The following CNTN5 variants were observed in gnomAD, a reference collection of about 807,000 sequenced individuals.
The protein encoded by CNTN5 is contactin-5.
Under a neutral mutation model 129.1 loss-of-function variants are expected in CNTN5, and 77 were observed. The observed-to-expected ratio is 0.60, with a 90% CI of 0.50 to 0.72. The LOEUF (loss-of-function observed/expected upper bound fraction) is 0.72, where lower values mean the gene tolerates loss of function less well. Ranked by LOEUF, CNTN5 falls within the 30% of genes least tolerant of loss-of-function variation. CNTN5 has a pLI of 0.00. For synonymous variants in CNTN5, 509 were observed against 465.6 expected (o/e 1.09, Z -1.20); for missense variants, 1,478 against 1,328.8 (o/e 1.11, Z -1.75).
Position 100,255,935 on chromosome 11 carries a change from CA to C in CNTN5, c.2164+19del. ...TAAAGACAGGTAAGAGGCACTAAAG[CA>C]ACATCAGATATAACCAGAGTGGCCT... is the stretch of plus-strand genomic sequence containing the variant. On this transcript the variant is annotated intron_variant, in intron 17 of 24. Coordinates refer to ENST00000524871, the MANE Select transcript of CNTN5 (RefSeq NM_014361.4). 6.2e-7 allele frequency: 1 copy of C among 1,612,570 alleles called. No homozygotes were observed. The highest frequency in any genetic ancestry group is 8.5e-7 in the Non-Finnish European group (1 of 1,178,726).
intron 1 of CNTN5, among the ~76,000 whole-genome samples, chr11:99,202,947 G>A (rs1859284847): frequency 6.6e-6 from 1 of 151,380 alleles, no homozygotes; most frequent in Non-Finnish European, 1.5e-5. Context: ...CAATAAGTGA[G>A]AGAGAAAGAA....
intron 8 of CNTN5, among the ~76,000 whole-genome samples, chr11:99,998,299 C>T (rs1433822956): frequency 6.6e-6 from 1 of 151,858 alleles, no homozygotes; most frequent in Admixed American, 6.6e-5. Context: ...TAAGCAACTT[C>T]AGCAAAGTCT....
intron 6 of CNTN5, among the ~76,000 whole-genome samples, chr11:99,865,332 A>G (rs933141709): frequency 6.6e-6 from 1 of 152,108 alleles, no homozygotes; most frequent in African/African-American, 2.4e-5. Flanking sequence ...GACACAATAA[A>G]TGTATATCAG....
chr11:99,927,645 A>T (rs1022054959), intron 7 of CNTN5, among the ~76,000 whole-genome samples: 1 of 152,152 alleles, frequency 6.6e-6, no homozygotes, highest in Non-Finnish European at 1.5e-5. Context: ...GCTCACTGTC[A>T]TGAGAACAGC....
At chr11:99,737,279 C>A (rs10736567) in intron 3 of CNTN5, among the ~76,000 whole-genome samples, 91,048 of 151,942 alleles carry the variant, frequency 0.6, 28,210 homozygotes, top group African/African-American at 0.76. Context: ...TTATCATATT[C>A]TTCGTATTTA....
At chr11:99,191,948 A>G (rs1591337160) in intron 1 of CNTN5, among the ~76,000 whole-genome samples, 2 of 151,950 alleles carry the variant, frequency 1.3e-5, no homozygotes, top group South Asian at 4.1e-4. Context: ...GGAAAAAATA[A>G]TAAAGATTAG....
At chr11:99,509,445 A>C (rs1946751451) in intron 2 of CNTN5, among the ~76,000 whole-genome samples, 1 of 152,220 alleles carries the variant, frequency 6.6e-6, no homozygotes, top group Non-Finnish European at 1.5e-5. Context: ...GAAATGGTGA[A>C]TTCTTCTTCA....
chr11:99,159,706 A>T (rs1046681439), intron 1 of CNTN5, among the ~76,000 whole-genome samples: 4 of 152,216 alleles, frequency 2.6e-5, no homozygotes, highest in African/African-American at 4.8e-5. Context: ...TCTTAAAAAG[A>T]TTGTTCCATT....
chr11:99,986,049 T>A (rs12292504), intron 8 of CNTN5, among the ~76,000 whole-genome samples: 1 of 152,182 alleles, frequency 6.6e-6, no homozygotes, highest in African/African-American at 2.4e-5. Context: ...CAAATAATTA[T>A]GTTTACTACT....
chr11:99,134,730 T>A (rs1859129976), intron 1 of CNTN5, among the ~76,000 whole-genome samples: 1 of 146,990 alleles, frequency 6.8e-6, no homozygotes, highest in Non-Finnish European at 1.5e-5. Context: ...ATGAAAATTA[T>A]AGCAACCATC....
At chr11:99,368,895 G>C (rs967627621) in intron 2 of CNTN5, among the ~76,000 whole-genome samples, 1 of 152,056 alleles carries the variant, frequency 6.6e-6, no homozygotes, top group African/African-American at 2.4e-5. Flanking sequence ...GCAGTAGGGT[G>C]AGTTAGTGCA....
chr11:99,422,148 A>T (rs1308503420), intron 2 of CNTN5, among the ~76,000 whole-genome samples: 2 of 152,186 alleles, frequency 1.3e-5, no homozygotes, highest in Non-Finnish European at 2.9e-5. Context: ...CTTTGAAAGG[A>T]GAACAAGAAA....
At chr11:99,853,246 G>A (rs920156393) in intron 6 of CNTN5, among the ~76,000 whole-genome samples, 8 of 152,054 alleles carry the variant, frequency 5.3e-5, no homozygotes, top group African/African-American at 1.9e-4. Flanking sequence ...TCCACACCAA[G>A]TGCTAAATGT....
intron 3 of CNTN5, among the ~76,000 whole-genome samples, chr11:99,796,075 A>T (rs766066255): frequency 1.4e-4 from 21 of 152,032 alleles, no homozygotes; most frequent in Non-Finnish European, 8.8e-5. Flanking sequence ...TGGCAATGCA[A>T]TGTGGGTGGG....
intron 6 of CNTN5, among the ~76,000 whole-genome samples, chr11:99,880,979 T>G (rs548849238): frequency 6.6e-6 from 1 of 152,316 alleles, no homozygotes; most frequent in South Asian, 2.1e-4. Flanking sequence ...TTAGAAGCTA[T>G]CCACTGAGAA....
At chr11:100,030,695 T>C (rs755276796) in intron 9 of CNTN5, among the ~76,000 whole-genome samples, 71 of 131,796 alleles carry the variant, frequency 5.4e-4, no homozygotes, top group Non-Finnish European at 9.0e-4. Flanking sequence ...ATATTTTCTC[T>C]CTTTCTAGCT....
chr11:99,537,336 T>G (rs10893479), intron 2 of CNTN5, among the ~76,000 whole-genome samples: 37,795 of 152,104 alleles, frequency 0.25, 5,175 homozygotes, highest in Non-Finnish European at 0.31. Flanking sequence ...TGAGGTTAGG[T>G]AAAATCCTAA....
intron 1 of CNTN5, among the ~76,000 whole-genome samples, chr11:99,062,780 A>C (rs1351672503): frequency 6.6e-6 from 1 of 152,094 alleles, no homozygotes; most frequent in African/African-American, 2.4e-5. Flanking sequence ...CCATTGATAA[A>C]ATGCCAGGAA....
At position 100,174,673 on chromosome 11, in the gene CNTN5, A is replaced by T. The variant is rs187649678; in HGVS notation, c.1581-16453A>T. Among the ~76,000 whole-genome samples the T allele has an allele frequency of 1.8e-3, 280 of 152,178 alleles. 5 individuals are homozygous for T. Among genetic ancestry groups the T allele is most frequent in the East Asian group, 0.013 (69 of 5,148 alleles). On this transcript the variant is annotated intron_variant, in intron 13 of 24. Coordinates refer to ENST00000524871, the MANE Select transcript of CNTN5 (RefSeq NM_014361.4). ...ATTTTGTTTTTTGTTTGTTTGTTTT[A>T]ATCTCAAGCACCTTCTGATATCCAG...
Sources: gnomAD v4.1 joint callset for allele counts (sites outside exome capture counted in the v4.1 genomes callset) on GRCh38, gnomAD v4.1.1 for gene constraint, MANE v1.5 for transcripts, NCBI Gene and HGNC (gene_info 2026-07-23, HGNC 2026-07-21) for gene names.